CCDC148: variants seen among roughly 807,000 people sequenced by gnomAD.
CCDC148 encodes coiled-coil domain-containing protein 148.
CCDC148 carries 89 observed loss-of-function variants against 85.7 expected under a neutral mutation model. That is an observed-to-expected ratio of 1.04 (90% confidence interval 0.87 to 1.24). The LOEUF is 1.24. Among genes scored for constraint, CCDC148 ranks in the 50% most tolerant of loss-of-function variants. The pLI, the probability that CCDC148 is intolerant of heterozygous loss-of-function variation, is 0.00. For missense variants in CCDC148, 692 were observed against 671.7 expected (o/e 1.03, Z -0.33); for synonymous variants, 230 against 213.9 (o/e 1.08, Z -0.66).
At chr2:158,246,929 A>C (rs1688592830) in intron 10 of CCDC148, among the ~76,000 whole-genome samples, 1 of 152,192 alleles carries the variant, frequency 6.6e-6, no homozygotes, top group African/African-American at 2.4e-5. Flanking sequence ...ACAGAGACAC[A>C]TGTAAGAGCC....
intron 7 of CCDC148, among the ~76,000 whole-genome samples, chr2:158,333,587 T>G (rs1693263020): frequency 6.6e-6 from 1 of 152,160 alleles, no homozygotes; most frequent in Admixed American, 6.6e-5. Context: ...ACTTTCTGTC[T>G]CGTTGATCTT....
intron 2 of CCDC148, among the ~76,000 whole-genome samples, chr2:158,348,639 G>T (rs1355986176): frequency 1.3e-5 from 2 of 151,718 alleles, no homozygotes; most frequent in African/African-American, 4.8e-5. Context: ...AATATTTATG[G>T]GTGAAATATT....
chr2:158,345,141 T>C, intron 3 of CCDC148, 74 bp downstream of exon 3: 2 of 1,020,844 alleles, frequency 2.0e-6, no homozygotes, highest in Non-Finnish European at 2.9e-6. Flanking sequence ...CATGGAACAT[T>C]ATAGAACATC....
At chr2:158,305,420 G>A (rs888589252) in intron 9 of CCDC148, among the ~76,000 whole-genome samples, 2 of 152,118 alleles carry the variant, frequency 1.3e-5, no homozygotes, top group African/African-American at 4.8e-5. Context: ...AGGCTAGCAA[G>A]TGTCTAGTAA....
chr2:158,250,165 ACC>A (rs1688731336), intron 10 of CCDC148, among the ~76,000 whole-genome samples: 2 of 151,932 alleles, frequency 1.3e-5, no homozygotes, highest in South Asian at 4.1e-4. Flanking sequence ...AAACAAAACA[ACC>A]CTTAAGTGTA....
At chr2:158,416,148 C>T (rs908290631) in intron 1 of CCDC148, among the ~76,000 whole-genome samples, 1 of 152,198 alleles carries the variant, frequency 6.6e-6, no homozygotes, top group African/African-American at 2.4e-5. Context: ...TTAGCCATGG[C>T]TGGAGCTGGA....
chr2:158,209,051 A>G (rs1413949875), intron 11 of CCDC148, among the ~76,000 whole-genome samples: 1 of 151,746 alleles, frequency 6.6e-6, no homozygotes, highest in East Asian at 1.9e-4. Context: ...ATATTTATAA[A>G]TAAACATAAA....
intron 7 of CCDC148, among the ~76,000 whole-genome samples, chr2:158,320,580 A>C (rs1438666471): frequency 6.6e-6 from 1 of 152,230 alleles, no homozygotes; most frequent in African/African-American, 2.4e-5. Flanking sequence ...TAGAAATTTT[A>C]ATCTTGGCTT....
At position 158,454,927 on chromosome 2, in the gene CCDC148, G is replaced by A. The variant is rs370647689; in HGVS notation, c.25+1488C>T. Among the ~76,000 whole-genome samples, 25 of 152,196 alleles carry A rather than the reference G, an allele frequency of 1.6e-4. 2 individuals carry two copies. The highest frequency in any genetic ancestry group is 1.2e-3 in the South Asian group (6 of 4,824). ...GTAACATTTTAATTATGACAAACAC[G>A]AAATCTACAATATCAAAATAGTCAT... On this transcript the variant is annotated intron_variant, in intron 1 of 13. Coordinates refer to ENST00000283233, the MANE Select transcript of CCDC148 (RefSeq NM_138803.4).
At chr2:158,178,659 T>C (rs1684712861) in intron 12 of CCDC148, among the ~76,000 whole-genome samples, 1 of 152,116 alleles carries the variant, frequency 6.6e-6, no homozygotes. Context: ...GAGAGCTTTT[T>C]AAAAGGTGAT....
chr2:158,456,107 G>C (rs776736299), intron 1 of CCDC148, among the ~76,000 whole-genome samples: 1 of 152,220 alleles, frequency 6.6e-6, no homozygotes, highest in Non-Finnish European at 1.5e-5. Context: ...ACACAGATGT[G>C]TTTAATAAAT....
intron 7 of CCDC148, among the ~76,000 whole-genome samples, chr2:158,330,320 G>C (rs993834056): frequency 1.3e-5 from 2 of 152,084 alleles, no homozygotes; most frequent in African/African-American, 4.8e-5. Flanking sequence ...TTATTGATTT[G>C]CATATGTTGA....
chr2:158,270,262 A>G (rs1300314623), intron 9 of CCDC148, among the ~76,000 whole-genome samples: 3 of 152,170 alleles, frequency 2.0e-5, no homozygotes, highest in Non-Finnish European at 4.4e-5. Context: ...ATTTTGTGAC[A>G]CATCCTCATG....
intron 3 of CCDC148, among the ~76,000 whole-genome samples, chr2:158,342,558 C>T (rs1682768227): frequency 6.6e-6 from 1 of 151,998 alleles, no homozygotes; most frequent in African/African-American, 2.4e-5. Context: ...AGCTCGGCAC[C>T]CAGAAAGTCA....
rs555061534 is a variant in CCDC148 at position 158,447,697 on chromosome 2, T to A, written c.25+8718A>T. Among the ~76,000 whole-genome samples the A allele has an allele frequency of 2.0e-5, 3 of 152,344 alleles. No homozygotes were observed. In the East Asian group the frequency reaches 5.8e-4, roughly 29 times the overall value. On this transcript the variant is annotated intron_variant, in intron 1 of 13. Transcript: ENST00000283233. The stretch of plus-strand genomic sequence containing the variant: ...TGTGCTTATTAATCATTTGTATACC[T>A]TTTTGGTGAAATCTCTATTAAAACA...
intron 11 of CCDC148, among the ~76,000 whole-genome samples, chr2:158,199,716 A>C (rs1388987615): frequency 6.6e-6 from 1 of 152,226 alleles, no homozygotes; most frequent in African/African-American, 2.4e-5. Context: ...GTGAATAATG[A>C]AGGTCACTTT....
At chr2:158,207,278 C>T (rs188401751) in intron 11 of CCDC148, among the ~76,000 whole-genome samples, 1 of 152,136 alleles carries the variant, frequency 6.6e-6, no homozygotes, top group African/African-American at 2.4e-5. Context: ...GACTCCACTA[C>T]AGAACGAACT....
chr2:158,251,672 T>G (rs1688799104), intron 9 of CCDC148, among the ~76,000 whole-genome samples: 1 of 151,870 alleles, frequency 6.6e-6, no homozygotes, highest in East Asian at 1.9e-4. Flanking sequence ...ATTATGGTTC[T>G]TTTATACAAT....
At chr2:158,400,779 G>A (rs978352369) in intron 1 of CCDC148, among the ~76,000 whole-genome samples, 1 of 152,098 alleles carries the variant, frequency 6.6e-6, no homozygotes, top group Non-Finnish European at 1.5e-5. Flanking sequence ...GCAACCTACA[G>A]AATGGGAGAA....
Sources: allele counts gnomAD v4.1 joint callset (sites outside exome capture counted in the v4.1 genomes callset), GRCh38; gene constraint gnomAD v4.1.1; transcripts MANE v1.5; gene names NCBI Gene and HGNC (gene_info 2026-07-23, HGNC 2026-07-21).